ASAP1: variants seen among roughly 807,000 people sequenced by gnomAD.
ASAP1 encodes the protein ArfGAP with SH3 domain, ankyrin repeat and PH domain 1, also known as arf-GAP with SH3 domain, ANK repeat and PH domain-containing protein 1.
Under a neutral mutation model 145.2 loss-of-function variants are expected in ASAP1, and 43 were observed. That is an observed-to-expected ratio of 0.30 (90% CI 0.23 to 0.38). ASAP1 has a LOEUF of 0.38. ASAP1 is among the 10% of genes least tolerant of loss of function. The pLI is 1.00. For synonymous variants in ASAP1, 546 were observed against 515.5 expected (o/e 1.06, Z -0.80); for missense variants, 1,018 against 1,355.3 (o/e 0.75, Z 3.91).
At chr8:130,076,291 C>T in intron 27 of ASAP1, 57 bp downstream of exon 27, 1 of 1,379,698 alleles carries the variant, frequency 7.2e-7, no homozygotes, top group African/African-American at 1.4e-5. Context: ...CCTTGGGCCC[C>T]TTGGAGGGGG....
chr8:130,155,782 G>C (rs896613596), intron 12 of ASAP1, among the ~76,000 whole-genome samples: 2 of 152,178 alleles, frequency 1.3e-5, no homozygotes, highest in Non-Finnish European at 2.9e-5. Flanking sequence ...CTCCTGAATG[G>C]ACATACCAAA....
At chr8:130,380,242 C>T (rs1322531357) in intron 2 of ASAP1, among the ~76,000 whole-genome samples, 2 of 152,202 alleles carry the variant, frequency 1.3e-5, no homozygotes, top group Non-Finnish European at 2.9e-5. Context: ...GAGCAGGTTA[C>T]CACTGAAGGT....
chr8:130,125,857 T>A, intron 17 of ASAP1, 99 bp downstream of exon 17: 1 of 1,238,608 alleles, frequency 8.1e-7, no homozygotes, highest in Non-Finnish European at 1.1e-6. Context: ...GAATTATAAT[T>A]CTTTGTACTC....
intron 25 of ASAP1, among the ~76,000 whole-genome samples, chr8:130,085,084 G>A (rs2097489705): frequency 6.6e-6 from 1 of 152,168 alleles, no homozygotes; most frequent in Non-Finnish European, 1.5e-5. Context: ...TGCATGTTAT[G>A]GTTTCCCACG....
At chr8:130,271,905 T>C (rs750530667) in intron 3 of ASAP1, among the ~76,000 whole-genome samples, 1 of 152,054 alleles carries the variant, frequency 6.6e-6, no homozygotes, top group Non-Finnish European at 1.5e-5. Context: ...AAAATCTTTA[T>C]GGAAATAAAA....
chr8:130,267,727 G>C (rs1820344055), intron 3 of ASAP1, among the ~76,000 whole-genome samples: 1 of 152,198 alleles, frequency 6.6e-6, no homozygotes, highest in African/African-American at 2.4e-5. Context: ...CCATTGGGTA[G>C]AATATTTTCC....
intron 1 of ASAP1, among the ~76,000 whole-genome samples, chr8:130,440,017 C>G (rs780334662): frequency 6.6e-6 from 1 of 152,168 alleles, no homozygotes; most frequent in Non-Finnish European, 1.5e-5. Flanking sequence ...CTGTTCAAGC[C>G]AGAACCCCAG....
chr8:130,315,907 T>C (rs1199117837), intron 3 of ASAP1, among the ~76,000 whole-genome samples: 1 of 152,200 alleles, frequency 6.6e-6, no homozygotes, highest in African/African-American at 2.4e-5. Flanking sequence ...GGCCTAGATA[T>C]AAATCCCACT....
At position 130,251,650 on chromosome 8, in the gene ASAP1, A is replaced by G. The variant is rs201257458; in HGVS notation, c.187-14656T>C. Among the ~76,000 whole-genome samples, 3 of 152,300 alleles carry G rather than the reference A, an allele frequency of 2.0e-5. No homozygotes were observed. The East Asian group carries it at 5.8e-4, about 29-fold the overall frequency. On this transcript the variant is annotated intron_variant, in intron 3 of 29. Coordinates refer to ENST00000518721, the MANE Select transcript of ASAP1 (RefSeq NM_018482.4). ...ATACAACAAAAATCATGCATTAGACATATCGAAGTTGACATCTCTAATACA... is the reference window on the plus strand; with the variant it reads ...ATACAACAAAAATCATGCATTAGACGTATCGAAGTTGACATCTCTAATACA...
intron 24 of ASAP1, among the ~76,000 whole-genome samples, chr8:130,105,039 T>C (rs1284798212): frequency 6.6e-6 from 1 of 152,164 alleles, no homozygotes; most frequent in African/African-American, 2.4e-5. Context: ...CTAATAGTTT[T>C]CTTTTTTCAA....
intron 3 of ASAP1, among the ~76,000 whole-genome samples, chr8:130,298,020 A>G (rs1822392320): frequency 6.6e-6 from 1 of 152,198 alleles, no homozygotes; most frequent in Non-Finnish European, 1.5e-5. Flanking sequence ...CAGGCAAATC[A>G]CTTCCCTTCT....
chr8:130,303,882 T>C (rs970516586), intron 3 of ASAP1, among the ~76,000 whole-genome samples: 2 of 152,188 alleles, frequency 1.3e-5, no homozygotes, highest in African/African-American at 2.4e-5. Context: ...ATCCCTAGAA[T>C]GTACAACATA....
At chr8:130,121,493 T>C (rs897348119) in intron 18 of ASAP1, among the ~76,000 whole-genome samples, 4 of 151,916 alleles carry the variant, frequency 2.6e-5, no homozygotes, top group Non-Finnish European at 5.9e-5. Flanking sequence ...ATATGATCAG[T>C]TTAAGAGGCT....
At chr8:130,209,970 G>C (rs963002784) in intron 5 of ASAP1, among the ~76,000 whole-genome samples, 2 of 152,154 alleles carry the variant, frequency 1.3e-5, no homozygotes, top group African/African-American at 4.8e-5. Context: ...TGGAAAACTT[G>C]AATTTGCCAC....
At chr8:130,187,123 A>G in intron 7 of ASAP1, 113 bp downstream of exon 7, 1 of 863,844 alleles carries the variant, frequency 1.2e-6, no homozygotes, top group Middle Eastern at 3.3e-4. Context: ...TTTTGTTGAG[A>G]AGTTATTAGT....
chr8:130,422,307 C>T (rs1829753068), intron 1 of ASAP1, among the ~76,000 whole-genome samples: 1 of 152,194 alleles, frequency 6.6e-6, no homozygotes, highest in Non-Finnish European at 1.5e-5. Context: ...CCATCACAGT[C>T]ACCTGGTGAG....
At chr8:130,147,035 G>T (rs1008065114) in intron 13 of ASAP1, among the ~76,000 whole-genome samples, 1 of 151,822 alleles carries the variant, frequency 6.6e-6, no homozygotes, top group Middle Eastern at 3.4e-3. Flanking sequence ...AGACCAGCCC[G>T]GCCAACATGG....
At chr8:130,252,453 T>G (rs1399983255) in intron 3 of ASAP1, among the ~76,000 whole-genome samples, 5 of 152,188 alleles carry the variant, frequency 3.3e-5, no homozygotes. Context: ...TTATAATACA[T>G]GCAATGCCTG....
chr8:130,190,513 A>ATTTATT (rs369851080), intron 5 of ASAP1, among the ~76,000 whole-genome samples: 159 of 151,934 alleles, frequency 1.0e-3, no homozygotes, highest in Admixed American at 2.6e-3. Context: ...TGATTTATGC[A>ATTTATT]TTTATTTTTA....
Sources: gnomAD v4.1 joint callset for allele counts (sites outside exome capture counted in the v4.1 genomes callset) on GRCh38, gnomAD v4.1.1 for gene constraint, MANE v1.5 for transcripts, NCBI Gene and HGNC (gene_info 2026-07-23, HGNC 2026-07-21) for gene names.